USP4: variants seen among roughly 807,000 people sequenced by gnomAD.
The protein encoded by USP4 is ubiquitin carboxyl-terminal hydrolase 4.
USP4 carries 72 observed loss-of-function variants against 118.2 expected under a neutral mutation model. That is an observed-to-expected ratio of 0.61 (90% confidence interval 0.50 to 0.74). USP4 has a LOEUF of 0.74. USP4 is among the 30% of genes least tolerant of loss of function. USP4 has a pLI of 0.00. For missense variants in USP4, 1,037 were observed against 1,185.7 expected, an observed-to-expected ratio of 0.87 and a Z score of 1.84; for synonymous variants, 415 against 440.4, an observed-to-expected ratio of 0.94 and a Z score of 0.72.
intron 11 of USP4, among the ~76,000 whole-genome samples, chr3:49,299,256 A>G (rs925787036): frequency 1.8e-4 from 27 of 149,216 alleles, no homozygotes; most frequent in Non-Finnish European, 3.3e-4. Context: ...CGCCTGGATA[A>G]TTTTTGTATT....
intron 6 of USP4, among the ~76,000 whole-genome samples, chr3:49,321,126 C>A (rs1254987950): frequency 6.6e-6 from 1 of 152,188 alleles, no homozygotes; most frequent in Non-Finnish European, 1.5e-5. Flanking sequence ...GTCAGAAATT[C>A]TTTTCAGAAA....
Position 49,300,641 on chromosome 3 carries a change from C to A in USP4, c.1338G>T (p.Val446=). 1 of 1,614,206 alleles carries A rather than the reference C, an allele frequency of 6.2e-7. No homozygotes were observed. Among genetic ancestry groups the A allele is most frequent in the Non-Finnish European group, 8.5e-7 (1 of 1,180,042 alleles). Residue 446 remains valine (V), a synonymous_variant, in exon 11 of 22, where the codon GTG becomes GTT. Coordinates refer to ENST00000265560, the MANE Select transcript of USP4 (RefSeq NM_003363.4). ...AGAGGCCATGGAAAGTATCCACAATCACAGAATCATTCCTCAACCTGTGAT... is the reference window on the plus strand; with the variant it reads ...AGAGGCCATGGAAAGTATCCACAATAACAGAATCATTCCTCAACCTGTGAT... ...WENHRLRNDS[V]IVDTFHGLFK... is the part of the protein sequence containing the mutation.
chr3:49,321,868 A>G (rs2047506465), intron 6 of USP4, among the ~76,000 whole-genome samples: 1 of 151,990 alleles, frequency 6.6e-6, no homozygotes, highest in South Asian at 2.1e-4. Flanking sequence ...GGTGGCATGC[A>G]CCTGTAATCC....
chr3:49,323,272 A>T lies in USP4; in HGVS notation c.695+1430T>A, dbSNP rs1309598283. ...ATGAGCCACTGCTCCTGGCCTTTTT[A>T]AAAAAAAAAAAAAAAAAAAAAAAAA... is the stretch of plus-strand genomic sequence containing the variant. On this transcript the variant is annotated intron_variant, in intron 6 of 21. Coordinates refer to ENST00000265560, the MANE Select transcript of USP4 (RefSeq NM_003363.4). Among the ~76,000 whole-genome samples the T allele has an allele frequency of 3.0e-3, 229 of 77,500 alleles. 2 individuals carry two copies. The highest frequency in any genetic ancestry group is 3.6e-3 in the Non-Finnish European group (137 of 37,970). 50.8% of individuals were successfully genotyped at this position (77,500 alleles called of 152,430 possible). A position where few individuals can be genotyped will look rare whatever the true frequency, so the allele number is the denominator to read the frequency against.
At chr3:49,314,578 T>C (rs561622828) in intron 6 of USP4, among the ~76,000 whole-genome samples, 5 of 152,356 alleles carry the variant, frequency 3.3e-5, no homozygotes, top group African/African-American at 1.2e-4. Context: ...TGGTCTGATA[T>C]GCAATGGCAG....
chr3:49,298,805 A>G lies in USP4; in HGVS notation c.1513-170T>C, dbSNP rs2047235238. ...AGCAAATAAGCAGGACCTCTATGTC[A>G]GCATCCTCCTCAATACACAGGCAGC... On this transcript the variant is annotated intron_variant, in intron 11 of 21. Coordinates refer to ENST00000265560, the MANE Select transcript of USP4 (RefSeq NM_003363.4). Among the ~76,000 whole-genome samples, 9 of 152,186 alleles carry G rather than the reference A, an allele frequency of 5.9e-5. 1 individual carries two copies. Among genetic ancestry groups the G allele is most frequent in the Admixed American group, 5.9e-4 (9 of 15,276 alleles).
intron 19 of USP4, among the ~76,000 whole-genome samples, chr3:49,282,499 A>T (rs974874721): frequency 1.3e-5 from 2 of 151,962 alleles, no homozygotes; most frequent in African/African-American, 4.8e-5. Flanking sequence ...GGCTGGTCTC[A>T]AACTCCTGAC....
chr3:49,286,397 A>G (rs1040485924), intron 15 of USP4, 72 bp from the exon 16 acceptor site: 23 of 1,416,496 alleles, frequency 1.6e-5, no homozygotes, highest in Admixed American at 1.4e-4. Context: ...TATTTAATAC[A>G]TAACTATGGT....
chr3:49,304,724 G>A (rs1054174486), intron 9 of USP4, among the ~76,000 whole-genome samples: 1 of 151,914 alleles, frequency 6.6e-6, no homozygotes, highest in Admixed American at 6.6e-5. Flanking sequence ...TGGTAGCCGG[G>A]ACTACAGGTA....
chr3:49,284,424 G>C (rs2047072702), intron 18 of USP4, 42 bp downstream of exon 18: 3 of 1,522,136 alleles, frequency 2.0e-6, no homozygotes, highest in Non-Finnish European at 2.7e-6. Flanking sequence ...CTGAGTCCTG[G>C]GGTGCATGGG....
In USP4 at chr3:49,335,476, T is replaced by C; in HGVS notation, c.222A>G (p.Leu74=). Residue 74 remains leucine (L), a synonymous_variant, in exon 2 of 22, where the codon CTA becomes CTG. Transcript: ENST00000265560. The stretch of plus-strand genomic sequence containing the variant: ...AAGCAACATTTACTATACCTGAAAA[T>C]AGCCCAGAGTTGTCTATTGGGCCAG... The part of the protein sequence containing the change: ...LFPGPIDNSG[L]FSDPESQTLK... The C allele has an allele frequency of 6.2e-7, 1 of 1,614,162 alleles. No homozygotes were observed. Among genetic ancestry groups the C allele is most frequent in the East Asian group, 2.2e-5 (1 of 44,884 alleles).
intron 15 of USP4, among the ~76,000 whole-genome samples, chr3:49,291,528 C>T (rs952592483): frequency 1.4e-5 from 2 of 147,700 alleles, no homozygotes; most frequent in Non-Finnish European, 3.0e-5. Context: ...GAGCCAAGAT[C>T]GCGCCACTGC....
Position 49,284,588 on chromosome 3 carries a change from T to A in USP4, c.2272-4A>T, listed in dbSNP as rs775180285. ...TGCTCACATGCTTCTCGTAGGCCTATGGGAATCAAAGCACTCAGTTCTGCT... is the reference window on the plus strand; with the variant it reads ...TGCTCACATGCTTCTCGTAGGCCTAAGGGAATCAAAGCACTCAGTTCTGCT... On this transcript the variant is annotated splice_region_variant and splice_polypyrimidine_tract_variant and intron_variant, in intron 17 of 21. Transcript: ENST00000265560. 10 of 1,612,970 alleles carry A rather than the reference T, an allele frequency of 6.2e-6. No individual in the cohort carries two copies. In the African/African-American group the frequency reaches 1.2e-4, roughly 19 times the overall value.
intron 1 of USP4, among the ~76,000 whole-genome samples, chr3:49,338,123 G>A (rs1276849746): frequency 1.4e-5 from 2 of 142,658 alleles, no homozygotes; most frequent in Non-Finnish European, 3.0e-5. Context: ...GAGCAACAAA[G>A]CATCAACAAT....
In USP4 at chr3:49,289,268, T is replaced by C. The variant is rs17080491; in HGVS notation, c.1973-2943A>G. On this transcript the variant is annotated intron_variant, in intron 15 of 21. Transcript: ENST00000265560. ...ACACTCACAAGATGTTGTTACTGAT[T>C]GAGTGCCTTTCATGTGCCCTGTCCT... Among the ~76,000 whole-genome samples, 192 of 152,304 alleles carry C rather than the reference T, an allele frequency of 1.3e-3. 6 individuals carry two copies. The East Asian group carries it at 0.036, about 28-fold the overall frequency.
intron 15 of USP4, among the ~76,000 whole-genome samples, chr3:49,287,295 C>T (rs2047105441): frequency 1.3e-5 from 2 of 152,124 alleles, no homozygotes; most frequent in South Asian, 4.1e-4. Context: ...GCTGGGACTA[C>T]AGGTGCGTGC....
intron 8 of USP4, among the ~76,000 whole-genome samples, chr3:49,309,033 CAAAAAAAAAA>C (rs35731425): frequency 1.4e-5 from 1 of 69,646 alleles, no homozygotes; most frequent in African/African-American, 5.8e-5. Flanking sequence ...GATGCTGTCT[CAAAAAAAAAA>C]AAAAAAAAAA....
intron 13 of USP4, among the ~76,000 whole-genome samples, chr3:49,294,811 C>T (rs1040114213): frequency 2.6e-5 from 4 of 152,144 alleles, no homozygotes; most frequent in African/African-American, 9.6e-5. Flanking sequence ...ACCTATACAA[C>T]CTGGGGCTGA....
chr3:49,292,140 G>T (rs1366283237), intron 15 of USP4, among the ~76,000 whole-genome samples: 1 of 152,158 alleles, frequency 6.6e-6, no homozygotes, highest in East Asian at 1.9e-4. Context: ...TTAAAAATTA[G>T]CTGGGTGTCG....
Sources: gnomAD v4.1 joint callset for allele counts (sites outside exome capture counted in the v4.1 genomes callset) on GRCh38, gnomAD v4.1.1 for gene constraint, MANE v1.5 for transcripts, NCBI Gene and HGNC (gene_info 2026-07-23, HGNC 2026-07-21) for gene names.